DPYD: variants seen among roughly 807,000 people sequenced by gnomAD.
The protein encoded by DPYD is dihydropyrimidine dehydrogenase, also known as dihydropyrimidine dehydrogenase [NADP(+)].
Under a neutral mutation model 116.2 loss-of-function variants are expected in DPYD, and 109 were observed. The ratio of observed to expected loss-of-function variants is 0.94; its 90% confidence interval spans 0.80 to 1.10. DPYD has a LOEUF of 1.10. DPYD is among the 50% of genes least tolerant of loss of function. The probability of loss-of-function intolerance (pLI) is 0.00; values close to 1 mark genes in which losing one functional copy is unlikely to be tolerated. For synonymous variants in DPYD, 440 were observed against 432.0 expected (o/e 1.02, Z -0.23); for missense variants, 1,302 against 1,254.5 (o/e 1.04, Z -0.57).
chr1:97,639,068 A>T (rs1657732993), intron 8 of DPYD, among the ~76,000 whole-genome samples: 1 of 152,134 alleles, frequency 6.6e-6, no homozygotes, highest in South Asian at 2.1e-4. Flanking sequence ...CAGTGTAGTA[A>T]GGCAAATCTT....
chr1:97,329,132 A>G (rs562936387), intron 16 of DPYD, among the ~76,000 whole-genome samples: 95 of 152,322 alleles, frequency 6.2e-4, no homozygotes, highest in African/African-American at 2.2e-3. Context: ...GAAAAGAAGA[A>G]TAATAGTAAA....
At chr1:97,738,100 T>G (rs1380059394) in intron 4 of DPYD, among the ~76,000 whole-genome samples, 2 of 152,292 alleles carry the variant, frequency 1.3e-5, no homozygotes, top group Admixed American at 1.3e-4. Flanking sequence ...TCTCTATTGT[T>G]TTAAATACAG....
Position 97,360,753 on chromosome 1 carries a change from C to A in DPYD, c.2058+12808G>T, listed in dbSNP as rs568589203. Among the ~76,000 whole-genome samples the A allele has an allele frequency of 4.6e-5, 7 of 152,130 alleles. No homozygotes were observed. The South Asian group carries it at 1.0e-3, about 23-fold the overall frequency. On this transcript the variant is annotated intron_variant, in intron 16 of 22. Transcript: ENST00000370192. ...CAGAAATAAAGATGTTCTTTGAAAC[C>A]AATGAGAACAAAGACACAACATACC...
chr1:97,388,677 G>A (rs997086370), intron 14 of DPYD, among the ~76,000 whole-genome samples: 2 of 152,116 alleles, frequency 1.3e-5, no homozygotes, highest in Non-Finnish European at 2.9e-5. Flanking sequence ...AATGAATTGA[G>A]TGAATAGAAT....
chr1:97,323,856 T>A (rs1012055101), intron 16 of DPYD, among the ~76,000 whole-genome samples: 1 of 151,712 alleles, frequency 6.6e-6, no homozygotes, highest in East Asian at 1.9e-4. Context: ...TTAAATCATA[T>A]GAAGCATTGG....
intron 11 of DPYD, 38 bp from the exon 12 acceptor site, chr1:97,549,782 T>C (rs1651181173): frequency 1.9e-6 from 3 of 1,539,330 alleles, no homozygotes; most frequent in Non-Finnish European, 1.8e-6. Flanking sequence ...CAATCACTAG[T>C]CAACAGACAA....
chr1:97,361,481 G>A (rs142477428), intron 16 of DPYD, among the ~76,000 whole-genome samples: 2 of 152,124 alleles, frequency 1.3e-5, no homozygotes, highest in Admixed American at 1.3e-4. Context: ...TGATACCAAA[G>A]CCTGGCAGAG....
intron 20 of DPYD, among the ~76,000 whole-genome samples, chr1:97,166,978 G>A (rs1656371742): frequency 6.6e-6 from 1 of 152,226 alleles, no homozygotes; most frequent in African/African-American, 2.4e-5. Flanking sequence ...TACCACTAAT[G>A]TTGTTAATCA....
chr1:97,136,648 G>T (rs1302505489), intron 20 of DPYD, among the ~76,000 whole-genome samples: 1 of 152,076 alleles, frequency 6.6e-6, no homozygotes, highest in Admixed American at 6.6e-5. Flanking sequence ...GTATTAGAAG[G>T]TCACAAATTG....
intron 20 of DPYD, among the ~76,000 whole-genome samples, chr1:97,099,330 A>G (rs189676790): frequency 6.6e-6 from 1 of 152,176 alleles, no homozygotes; most frequent in Admixed American, 6.6e-5. Flanking sequence ...ATTCAAAATC[A>G]CATCACGGAG....
chr1:97,874,328 C>T (rs915286326), intron 2 of DPYD, among the ~76,000 whole-genome samples: 4 of 151,852 alleles, frequency 2.6e-5, no homozygotes, highest in African/African-American at 7.2e-5. Flanking sequence ...CTCAAAAATG[C>T]TTTGTGTACA....
chr1:97,716,360 T>A (rs541033561), intron 5 of DPYD, among the ~76,000 whole-genome samples: 6 of 151,960 alleles, frequency 3.9e-5, no homozygotes, highest in Non-Finnish European at 7.4e-5. Context: ...AAACACCCCA[T>A]CATATATAAA....
intron 16 of DPYD, among the ~76,000 whole-genome samples, chr1:97,367,566 C>T (rs774767964): frequency 3.5e-4 from 53 of 152,050 alleles, no homozygotes; most frequent in Non-Finnish European, 6.2e-4. Flanking sequence ...TGATTAAACG[C>T]AGGAAGGGGA....
intron 20 of DPYD, among the ~76,000 whole-genome samples, chr1:97,165,190 C>T (rs1656232115): frequency 6.6e-6 from 1 of 152,030 alleles, no homozygotes; most frequent in South Asian, 2.1e-4. Context: ...ACTACAGGGG[C>T]TACAGTAACC....
intron 6 of DPYD, among the ~76,000 whole-genome samples, chr1:97,697,972 C>A (rs998318793): frequency 1.9e-4 from 29 of 152,102 alleles, no homozygotes; most frequent in African/African-American, 6.5e-4. Context: ...CTGAAAACAA[C>A]ATACAATGCT....
chr1:97,395,706 C>T (rs758878187), intron 14 of DPYD, among the ~76,000 whole-genome samples: 1 of 151,958 alleles, frequency 6.6e-6, no homozygotes, highest in Non-Finnish European at 1.5e-5. Flanking sequence ...TTTGGGTGTG[C>T]GCTGATTTTG....
chr1:97,779,042 G>A (rs954003611), intron 3 of DPYD, among the ~76,000 whole-genome samples: 1 of 151,980 alleles, frequency 6.6e-6, no homozygotes, highest in African/African-American at 2.4e-5. Flanking sequence ...AAATTATCTG[G>A]AATTTATTTG....
chr1:97,550,976 GTTGA>G (rs778715252), intron 11 of DPYD, among the ~76,000 whole-genome samples: 1 of 152,160 alleles, frequency 6.6e-6, no homozygotes, highest in African/African-American at 2.4e-5. Flanking sequence ...AGGGTTTACT[GTTGA>G]TTGTGTTTTT....
At chr1:97,106,931 T>A (rs925287656) in intron 20 of DPYD, among the ~76,000 whole-genome samples, 1 of 152,186 alleles carries the variant, frequency 6.6e-6, no homozygotes, top group African/African-American at 2.4e-5. Flanking sequence ...ATTGAATATA[T>A]AACCTATTAG....
Sources: gnomAD v4.1 joint callset for allele counts (sites outside exome capture counted in the v4.1 genomes callset) on GRCh38, gnomAD v4.1.1 for gene constraint, MANE v1.5 for transcripts, NCBI Gene and HGNC (gene_info 2026-07-23, HGNC 2026-07-21) for gene names.